SIM1: variants seen among roughly 807,000 people sequenced by gnomAD.
SIM1 encodes the protein single-minded homolog 1.
A neutral mutation model predicts 78.2 loss-of-function variants in SIM1; 18 were observed. The ratio of observed to expected loss-of-function variants is 0.23; its 90% confidence interval spans 0.16 to 0.34. The LOEUF is 0.34. Among genes scored for constraint, SIM1 ranks in the 10% least tolerant of loss-of-function variants. The pLI is 1.00. For synonymous variants in SIM1, 417 were observed against 385.2 expected, an observed-to-expected ratio of 1.08 and a Z score of -0.97; for missense variants, 939 against 975.1, an observed-to-expected ratio of 0.96 and a Z score of 0.49.
chr6:100,431,108 C>T (rs1363387991), intron 9 of SIM1, among the ~76,000 whole-genome samples: 2 of 152,196 alleles, frequency 1.3e-5, no homozygotes, highest in Non-Finnish European at 2.9e-5. Flanking sequence ...AAAAATAGAG[C>T]CTCAGATTCT....
chr6:100,429,381 A>C (rs1407147673), intron 9 of SIM1, among the ~76,000 whole-genome samples: 1 of 152,030 alleles, frequency 6.6e-6, no homozygotes, highest in Non-Finnish European at 1.5e-5. Context: ...AAAAAAAAAA[A>C]AACACACTAT....
intron 10 of SIM1, among the ~76,000 whole-genome samples, chr6:100,405,446 A>G (rs1185048669): frequency 1.3e-5 from 2 of 152,206 alleles, no homozygotes; most frequent in Admixed American, 1.3e-4. Flanking sequence ...TTAAAGAATA[A>G]TACAAATTAT....
At chr6:100,438,806 T>C (rs955575679) in intron 9 of SIM1, among the ~76,000 whole-genome samples, 38 of 152,340 alleles carry the variant, frequency 2.5e-4, no homozygotes, top group Non-Finnish European at 4.7e-4. Flanking sequence ...TAATGTCTTT[T>C]GCAGCAACTT....
intron 4 of SIM1, among the ~76,000 whole-genome samples, chr6:100,449,955 C>G (rs769979830): frequency 6.6e-6 from 1 of 152,122 alleles, no homozygotes; most frequent in East Asian, 1.9e-4. Flanking sequence ...GTAGTAGCAA[C>G]AGCAGCAGCA....
chr6:100,462,728 TG>T (rs1228002874), intron 2 of SIM1: 1 of 152,280 alleles, frequency 6.6e-6, no homozygotes, highest in Non-Finnish European at 1.5e-5. Flanking sequence ...AATCTGCGAA[TG>T]TCTTGAAAAC....
rs1409865963 is a variant in SIM1 at position 100,385,775 on chromosome 6, GTGTGTGTGTATGCTTTCTGCA to G, written c.*4565_*4585del. ...AAATCATATTTTTCTGTGTGCGTAT[GTGTGTGTGTATGCTTTCTGCA>G]TACAGTCCTAGAGAAGGAACTCTGA... On this transcript the variant is annotated 3_prime_UTR_variant, in exon 12 of 12. Coordinates refer to ENST00000369208, the MANE Select transcript of SIM1 (RefSeq NM_005068.3). The G allele has an allele frequency of 5.3e-5, 8 of 151,584 alleles. No homozygotes were observed. Among genetic ancestry groups the G allele is most frequent in the Non-Finnish European group, 1.0e-4 (7 of 67,882 alleles). 9.4% of individuals were successfully genotyped at this position (151,584 alleles called of 1,614,324 possible).
At chr6:100,398,953 GTGTGTGTA>G (rs142495356) in intron 10 of SIM1, among the ~76,000 whole-genome samples, 13,716 of 144,352 alleles carry the variant, frequency 0.095, 957 homozygotes, top group East Asian at 0.42. Context: ...GTGTGTGTGT[GTGTGTGTA>G]TGTGTAGTAG....
At chr6:100,450,943 C>T (rs1357854269) in intron 3 of SIM1, among the ~76,000 whole-genome samples, 1 of 152,076 alleles carries the variant, frequency 6.6e-6, no homozygotes, top group African/African-American at 2.4e-5. Context: ...AGGAGTAAGT[C>T]CACAGAGTAT....
chr6:100,447,246 G>A, intron 9 of SIM1, 22 bp downstream of exon 9: 1 of 1,607,886 alleles, frequency 6.2e-7, no homozygotes, highest in East Asian at 2.2e-5. Flanking sequence ...GGTGGGTGAA[G>A]GGGTCTCAGT....
chr6:100,408,250 G>C (rs1410445513), intron 10 of SIM1, among the ~76,000 whole-genome samples: 1 of 151,946 alleles, frequency 6.6e-6, no homozygotes, highest in Non-Finnish European at 1.5e-5. Context: ...AATAATAGTT[G>C]ATCATATATA....
intron 9 of SIM1, among the ~76,000 whole-genome samples, chr6:100,441,977 G>A (rs1367938797): frequency 6.6e-6 from 1 of 152,084 alleles, no homozygotes; most frequent in Non-Finnish European, 1.5e-5. Flanking sequence ...AGAACAGCAG[G>A]ATGCAGTAGG....
At position 100,453,660 on chromosome 6, in the gene SIM1, T is replaced by G. The variant is rs550935334; in HGVS notation, c.258+102A>C. 66 of 759,748 alleles carry G rather than the reference T, an allele frequency of 8.7e-5. 2 individuals are homozygous for G. Among genetic ancestry groups the G allele is most frequent in the East Asian group, 1.3e-4 (4 of 31,904 alleles). The allele number at this position is 759,748 out of a possible 1,614,324, so 47.1% of individuals were successfully genotyped here. On this transcript the variant is annotated intron_variant, in intron 3 of 11. Coordinates refer to ENST00000369208, the MANE Select transcript of SIM1 (RefSeq NM_005068.3). The stretch of plus-strand genomic sequence containing the variant: ...CTGTTTTTGTGGGGGGGGTTGTTTG[T>G]TTTTTTTTTGTTTTTGTTTTCTGAG...
intron 10 of SIM1, among the ~76,000 whole-genome samples, chr6:100,409,062 A>G (rs1262761319): frequency 6.6e-6 from 1 of 152,012 alleles, no homozygotes; most frequent in Non-Finnish European, 1.5e-5. Context: ...GAGGGTTTTG[A>G]TGATTGATTT....
In SIM1 at chr6:100,450,696, T is replaced by TCTCTCTCTCTCTCACACACA. The variant is rs1421452803; in HGVS notation, c.259-341_259-340insTGTGTGTGAGAGAGAGAGAG. On this transcript the variant is annotated intron_variant, in intron 3 of 11. Transcript: ENST00000369208. ...CTCTCTCTCTCTCTCTCTCTCTCTC[T>TCTCTCTCTCTCTCACACACA]CACACACACACACACACACACACAC... Among the ~76,000 whole-genome samples the TCTCTCTCTCTCTCACACACA allele has an allele frequency of 8.2e-3, 750 of 91,868 alleles. 7 individuals carry two copies. The highest frequency in any genetic ancestry group is 0.013 in the Non-Finnish European group (573 of 45,432). The allele number at this position is 91,868 out of a possible 152,430, so 60.3% of individuals were successfully genotyped here.
In SIM1 at chr6:100,385,248, C is replaced by T. The variant is rs546108653; in HGVS notation, c.*5113G>A. ...TCACTAAAAACTATACATTGCAAGA[C>T]GGTATTTGAAATATTGGCGATCAGT... On this transcript the variant is annotated 3_prime_UTR_variant, in exon 12 of 12. Coordinates refer to ENST00000369208, the MANE Select transcript of SIM1 (RefSeq NM_005068.3). 10 of 151,986 alleles carry T rather than the reference C, an allele frequency of 6.6e-5. No individual in the cohort carries two copies. Among genetic ancestry groups the T allele is most frequent in the South Asian group, 4.2e-4 (2 of 4,812 alleles). The allele number at this position is 151,986 out of a possible 1,614,324, so 9.4% of individuals were successfully genotyped here.
chr6:100,419,222 A>G (rs1348760833), intron 10 of SIM1, among the ~76,000 whole-genome samples: 1 of 152,138 alleles, frequency 6.6e-6, no homozygotes, highest in Non-Finnish European at 1.5e-5. Context: ...TAAAATATAT[A>G]TTTTATAAGT....
chr6:100,403,975 C>A (rs191650847), intron 10 of SIM1, among the ~76,000 whole-genome samples: 2 of 152,250 alleles, frequency 1.3e-5, no homozygotes, highest in Admixed American at 1.3e-4. Context: ...TTTTCACTGT[C>A]CCATACTTCA....
intron 10 of SIM1, among the ~76,000 whole-genome samples, chr6:100,406,795 A>G (rs192238466): frequency 7.2e-5 from 11 of 152,242 alleles, no homozygotes; most frequent in Non-Finnish European, 1.2e-4. Flanking sequence ...AAGTTTGTTA[A>G]CACATTCGTC....
intron 9 of SIM1, among the ~76,000 whole-genome samples, chr6:100,440,572 G>A (rs961440132): frequency 3.3e-5 from 5 of 152,212 alleles, no homozygotes; most frequent in Non-Finnish European, 5.9e-5. Flanking sequence ...CGAGGAGAAA[G>A]GGAGATGGAG....
Sources: gnomAD v4.1 joint callset for allele counts (sites outside exome capture counted in the v4.1 genomes callset) on GRCh38, gnomAD v4.1.1 for gene constraint, MANE v1.5 for transcripts, NCBI Gene and HGNC (gene_info 2026-07-23, HGNC 2026-07-21) for gene names.